The following POLR3A variants were observed in gnomAD, a reference collection of about 807,000 sequenced individuals.
POLR3A encodes DNA-directed RNA polymerase III subunit RPC1.
A neutral mutation model predicts 152.8 loss-of-function variants in POLR3A; 112 were observed. The observed-to-expected ratio is 0.73, with a 90% CI of 0.63 to 0.86. POLR3A has a LOEUF of 0.86. POLR3A is among the 40% of genes least tolerant of loss of function. POLR3A has a pLI of 0.00. For missense variants in POLR3A, 1,385 were observed against 1,743.1 expected (o/e 0.79, Z 3.66); for synonymous variants, 615 against 652.1 (o/e 0.94, Z 0.87).
chr10:77,981,587 C>T (rs761097481), intron 28 of POLR3A, 28 bp from the exon 29 acceptor site: 1 of 1,613,458 alleles, frequency 6.2e-7, no homozygotes, highest in Non-Finnish European at 8.5e-7. Context: ...TGAGCAGAAG[C>T]AGCCCCTTCC....
intron 30 of POLR3A, among the ~76,000 whole-genome samples, chr10:77,979,244 G>C (rs1258819342): frequency 1.3e-5 from 2 of 152,226 alleles, no homozygotes; most frequent in African/African-American, 4.8e-5. Context: ...ATCTGTACAA[G>C]AGCAGGAGGT....
rs1294227507 is a variant in POLR3A at position 78,004,701 on chromosome 10, A to C, written c.2247+15T>G. The C allele has an allele frequency of 6.2e-7, 1 of 1,608,978 alleles. No homozygotes were observed. Among genetic ancestry groups the C allele is most frequent in the South Asian group, 1.1e-5 (1 of 90,898 alleles). On this transcript the variant is annotated intron_variant, in intron 16 of 30. Transcript: ENST00000372371. ...CACGGCAAGTGGCGACCCTGAACCA[A>C]AGGGCCGGGCTCACCTCCAGGGTCT... is the stretch of plus-strand genomic sequence containing the variant.
At chr10:78,021,705 T>C (rs200139788) in intron 7 of POLR3A, 23 bp from the exon 8 acceptor site, 466 of 1,613,776 alleles carry the variant, frequency 2.9e-4, no homozygotes, top group Non-Finnish European at 3.8e-4. Flanking sequence ...AAACATGTCA[T>C]AGGTCCCCAT....
chr10:78,021,488 A>C (rs1206374633), intron 8 of POLR3A, 58 bp downstream of exon 8: 1 of 1,593,058 alleles, frequency 6.3e-7, no homozygotes, highest in East Asian at 2.2e-5. Flanking sequence ...CAATACCAAA[A>C]TATAACGTAA....
chr10:78,000,084 A>T lies in POLR3A; in HGVS notation c.2513T>A (p.Phe838Tyr). The change falls in exon 19 of 31, where the codon TTT (phenylalanine) becomes TAT (tyrosine). Residue 838 changes from phenylalanine (F) to tyrosine (Y), a missense_variant. Phe to Tyr is a conservative substitution (Grantham distance 22, BLOSUM62 3). Transcript: ENST00000372371. ...PAAKGFVANS[F>Y]YSGLTPTEFF... ...CTCAGTTGGTGTCAAACCGGAATAA[A>T]AGCTATTAGCCACAAAGCCTTTGGC... is the stretch of plus-strand genomic sequence containing the variant. The T allele has an allele frequency of 6.2e-7, 1 of 1,614,142 alleles. No individual in the cohort carries two copies. Among genetic ancestry groups the T allele is most frequent in the Non-Finnish European group, 8.5e-7 (1 of 1,180,002 alleles).
intron 1 of POLR3A, among the ~76,000 whole-genome samples, chr10:78,026,666 G>A (rs943210750): frequency 2.0e-5 from 3 of 152,022 alleles, no homozygotes; most frequent in Admixed American, 2.0e-4. Flanking sequence ...CTTAAATATT[G>A]GTGCACTGTA....
Position 78,019,283 on chromosome 10 carries a change from C to T in POLR3A, c.1186-18G>A. On this transcript the variant is annotated intron_variant, in intron 8 of 30. Coordinates refer to ENST00000372371, the MANE Select transcript of POLR3A (RefSeq NM_007055.4). The stretch of plus-strand genomic sequence containing the variant: ...TTGTTTACCTGCAGTACAAAAAAAC[C>T]ACAATAAGTTACTCCCAGGTAACTA... 1 of 1,519,038 alleles carries T rather than the reference C, an allele frequency of 6.6e-7. No homozygotes were observed. Among genetic ancestry groups the T allele is most frequent in the Non-Finnish European group, 9.1e-7 (1 of 1,094,136 alleles). The allele number at this position is 1,519,038 out of a possible 1,614,324, so 94.1% of individuals were successfully genotyped here. A position where few individuals can be genotyped will look rare whatever the true frequency, so the allele number is the denominator to read the frequency against.
chr10:78,017,069 G>C lies in POLR3A; in HGVS notation c.1431+506C>G, dbSNP rs534513020. Among the ~76,000 whole-genome samples the C allele has an allele frequency of 2.0e-5, 3 of 152,048 alleles. No homozygotes were observed. In the South Asian group the frequency reaches 6.2e-4, roughly 32 times the overall value. On this transcript the variant is annotated intron_variant, in intron 10 of 30. Transcript: ENST00000372371. ...AAAAAATATTAAAGCTTACTAAAAGGAAGCTTGAAATTAAAAAGTTTCACT... is the reference window on the plus strand; with the variant it reads ...AAAAAATATTAAAGCTTACTAAAAGCAAGCTTGAAATTAAAAAGTTTCACT...
rs749999906 is a variant in POLR3A at position 78,004,698 on chromosome 10, C to T, written c.2247+18G>A. 2.7e-5 allele frequency: 43 copies of T among 1,608,186 alleles called. No homozygotes were observed. Among genetic ancestry groups the T allele is most frequent in the Non-Finnish European group, 3.6e-5 (42 of 1,178,004 alleles). ...GTGCACGGCAAGTGGCGACCCTGAA[C>T]CAAAGGGCCGGGCTCACCTCCAGGG... On this transcript the variant is annotated intron_variant, in intron 16 of 30. Transcript: ENST00000372371.
At chr10:77,998,536 G>A (rs967518421) in intron 19 of POLR3A, among the ~76,000 whole-genome samples, 1 of 152,122 alleles carries the variant, frequency 6.6e-6, no homozygotes, top group African/African-American at 2.4e-5. Context: ...TGCAGCCAAA[G>A]GACACATGAA....
rs764269060 is a variant in POLR3A, at chr10:78,019,250, T to C, written c.1201A>G (p.Ile401Val). The C allele has an allele frequency of 6.2e-7, 1 of 1,613,632 alleles. No homozygotes were observed. Among genetic ancestry groups the C allele is most frequent in the East Asian group, 2.2e-5 (1 of 44,880 alleles). Residue 401 changes from isoleucine to valine, a missense_variant, in exon 9 of 31, where the codon ATC becomes GTC. Transcript: ENST00000372371. The stretch of plus-strand genomic sequence containing the variant: ...TGAACCAGTTTCCTCAAGAAATTGA[T>C]GTTTGCTTTGTTTACCTGCAGTACA... ...TFPEKVNKAN[I>V]NFLRKLVQNG...
chr10:77,978,688 T>TCCTGC (rs1192612836), intron 30 of POLR3A, among the ~76,000 whole-genome samples: 1 of 146,772 alleles, frequency 6.8e-6, no homozygotes, highest in Non-Finnish European at 1.5e-5. Flanking sequence ...TGAGACGGAG[T>TCCTGC]CCTGCTCTGT....
At position 78,013,542 on chromosome 10, in the gene POLR3A, G is replaced by A. The variant is rs553847936; in HGVS notation, c.1572+108C>T. On this transcript the variant is annotated intron_variant, in intron 11 of 30. Transcript: ENST00000372371. ...AGTGGTCGGTTTAAGAACAGAAAGA[G>A]CCTGGCTTCTTTGGCGTTGTTAGTT... 1.0e-3 allele frequency: 1,139 copies of A among 1,132,966 alleles called. 2 individuals are homozygous for A. Among genetic ancestry groups the A allele is most frequent in the Non-Finnish European group, 1.2e-3 (931 of 746,346 alleles). The allele number at this position is 1,132,966 out of a possible 1,614,324, so 70.2% of individuals were successfully genotyped here. A position where few individuals can be genotyped will look rare whatever the true frequency, so the allele number is the denominator to read the frequency against.
intron 21 of POLR3A, among the ~76,000 whole-genome samples, chr10:77,987,888 C>T (rs1847212256): frequency 6.6e-6 from 1 of 152,222 alleles, no homozygotes; most frequent in Non-Finnish European, 1.5e-5. Context: ...CACCCTAGAG[C>T]AGAAGGCACT....
intron 10 of POLR3A, among the ~76,000 whole-genome samples, chr10:78,016,184 T>C (rs181054983): frequency 3.2e-4 from 49 of 152,142 alleles, no homozygotes; most frequent in Admixed American, 9.2e-4. Context: ...ACCAAAAAAA[T>C]ATGGTTTAAG....
chr10:77,980,764 C>T (rs1395922351), intron 29 of POLR3A, among the ~76,000 whole-genome samples: 2 of 152,062 alleles, frequency 1.3e-5, no homozygotes, highest in Admixed American at 6.6e-5. Flanking sequence ...CAGTTTCCTG[C>T]GACTAAAGCA....
chr10:77,980,125 G>T lies in POLR3A; in HGVS notation c.4024+16C>A. The T allele has an allele frequency of 1.2e-6, 2 of 1,612,146 alleles. No individual in the cohort carries two copies. The highest frequency in any genetic ancestry group is 1.7e-6 in the Non-Finnish European group (2 of 1,178,212). ...GTAAAGGCCTTTGATGCTGTTCATA[G>T]AAACATCAAACCTACCACACACAGA... On this transcript the variant is annotated intron_variant, in intron 30 of 30. Coordinates refer to ENST00000372371, the MANE Select transcript of POLR3A (RefSeq NM_007055.4).
Position 78,024,960 on chromosome 10 carries a change from A to G in POLR3A, c.490+11T>C, listed in dbSNP as rs1483826134. On this transcript the variant is annotated intron_variant, in intron 4 of 30. Transcript: ENST00000372371. The stretch of plus-strand genomic sequence containing the variant: ...AGGGCTATTGCTTAGCCTTCTGTGC[A>G]TTCCACTCACCATTAAAAGCGCCAC... 6.2e-7 allele frequency: 1 copy of G among 1,613,924 alleles called. No individual in the cohort carries two copies. The highest frequency in any genetic ancestry group is 8.5e-7 in the Non-Finnish European group (1 of 1,179,776).
At chr10:78,003,456 T>C (rs1360213838) in intron 16 of POLR3A, among the ~76,000 whole-genome samples, 1 of 152,246 alleles carries the variant, frequency 6.6e-6, no homozygotes, top group African/African-American at 2.4e-5. Flanking sequence ...CTCAGACTGC[T>C]GAGGGAGTTT....
Sources: gnomAD v4.1 joint callset for allele counts (sites outside exome capture counted in the v4.1 genomes callset) on GRCh38, gnomAD v4.1.1 for gene constraint, MANE v1.5 for transcripts, NCBI Gene and HGNC (gene_info 2026-07-23, HGNC 2026-07-21) for gene names.